TENM1: variants seen among roughly 807,000 people sequenced by gnomAD.
The protein encoded by TENM1 is teneurin transmembrane protein 1, also known as teneurin-1.
Under a neutral mutation model 174.8 loss-of-function variants are expected in TENM1, and 35 were observed. The observed-to-expected ratio is 0.20, with a 90% CI of 0.15 to 0.27. The LOEUF (loss-of-function observed/expected upper bound fraction) is 0.27. TENM1 is among the 10% of genes least tolerant of loss of function. TENM1 has a pLI of 1.00. For synonymous variants in TENM1, 781 were observed against 798.7 expected, an observed-to-expected ratio of 0.98 and a Z score of 0.37; for missense variants, 1,633 against 2,130.1, an observed-to-expected ratio of 0.77 and a Z score of 4.59.
chrX:124,395,541 T>C (rs769218452), intron 27 of TENM1, among the ~76,000 whole-genome samples: 4 of 111,934 alleles, frequency 3.6e-5, no homozygotes, highest in African/African-American at 9.8e-5. Context: ...GTAGGTTTAA[T>C]TCAGGGAGTA....
intron 6 of TENM1, among the ~76,000 whole-genome samples, chrX:124,671,316 C>G (rs755760081): frequency 2.7e-5 from 3 of 111,056 alleles, no homozygotes; most frequent in East Asian, 5.7e-4. Flanking sequence ...TTCCATATAC[C>G]CTTTGTAAAA....
chrX:124,949,126 T>C (rs1194265821), intron 1 of TENM1, among the ~76,000 whole-genome samples: 1 of 111,210 alleles, frequency 9.0e-6, no homozygotes, highest in Non-Finnish European at 1.9e-5. Context: ...CACAACTTAC[T>C]AGATCCTAAG....
chrX:124,830,393 C>G (rs916619637), intron 3 of TENM1, among the ~76,000 whole-genome samples: 2 of 111,781 alleles, frequency 1.8e-5, no homozygotes, highest in Non-Finnish European at 3.8e-5. Context: ...TCTGGCAACA[C>G]AGTGAGAACT....
At chrX:125,046,552 G>A in the TENM1 span, among the ~76,000 whole-genome samples, 1 of 112,214 alleles carries the variant, frequency 8.9e-6, no homozygotes, top group Non-Finnish European at 1.9e-5. Flanking sequence ...ATGGGCCAAT[G>A]ATGTTTTCTC....
intron 3 of TENM1, among the ~76,000 whole-genome samples, chrX:124,757,869 C>G (rs936554136): frequency 8.9e-6 from 1 of 112,187 alleles, no homozygotes; most frequent in African/African-American, 3.2e-5. Flanking sequence ...TGTATAACAT[C>G]TCCATTTGAA....
chrX:124,583,746 G>A (rs1298872828), intron 11 of TENM1, among the ~76,000 whole-genome samples: 1 of 111,496 alleles, frequency 9.0e-6, no homozygotes, highest in African/African-American at 3.3e-5. Flanking sequence ...CCGAGCTACA[G>A]GAGGAAATTA....
At chrX:124,523,478 C>T (rs777186587) in exon 17 of TENM1, 8 of 1,211,114 alleles carry the variant, frequency 6.6e-6, no homozygotes, top group Non-Finnish European at 6.7e-6. Flanking sequence ...CGCAGGATGG[C>T]GGGTCTGATA....
intron 29 of TENM1, 79 bp downstream of exon 32, chrX:124,385,598 A>G (rs1302151717): frequency 2.1e-6 from 2 of 969,046 alleles, no homozygotes; most frequent in East Asian, 6.2e-5. Flanking sequence ...TAATGCTTCT[A>G]TCTCACACTG....
chrX:125,155,028 G>T, the TENM1 span, among the ~76,000 whole-genome samples: 3 of 111,656 alleles, frequency 2.7e-5, no homozygotes, highest in African/African-American at 9.8e-5. Flanking sequence ...CTGCTGGCTC[G>T]GGCAGCCTGC....
chrX:124,533,313 C>T (rs891367568), intron 15 of TENM1, among the ~76,000 whole-genome samples: 3 of 111,623 alleles, frequency 2.7e-5, no homozygotes, highest in Admixed American at 9.5e-5. Context: ...TAGTTCCTTC[C>T]CTCCCATTTA....
the TENM1 span, among the ~76,000 whole-genome samples, chrX:125,107,782 G>T: frequency 8.9e-6 from 1 of 111,851 alleles, no homozygotes. Flanking sequence ...ACACTAGGAA[G>T]CTTATGCTAT....
chrX:124,744,568 A>T (rs887933139), intron 3 of TENM1, among the ~76,000 whole-genome samples: 1 of 112,127 alleles, frequency 8.9e-6, no homozygotes, highest in Non-Finnish European at 1.9e-5. Context: ...TGACAATGAT[A>T]TTGTGGCTTC....
the TENM1 span, among the ~76,000 whole-genome samples, chrX:125,088,801 G>A: frequency 1.8e-5 from 2 of 110,541 alleles, no homozygotes; most frequent in East Asian, 2.9e-4. Context: ...ACTACTATGC[G>A]ATATATCCAT....
At chrX:124,389,625 CCCTT>C (rs1225580170) in intron 28 of TENM1, among the ~76,000 whole-genome samples, 1 of 110,619 alleles carries the variant, frequency 9.0e-6, no homozygotes, top group East Asian at 2.8e-4. Flanking sequence ...CTGCCTCCCT[CCCTT>C]CCTTCCTTCT....
At chrX:124,753,829 G>C (rs906797852) in intron 3 of TENM1, among the ~76,000 whole-genome samples, 6 of 111,690 alleles carry the variant, frequency 5.4e-5, no homozygotes, top group Non-Finnish European at 1.1e-4. Context: ...TTGCATCCCA[G>C]GGATGAAGCC....
At chrX:124,924,538 G>C (rs2058065931) in intron 1 of TENM1, among the ~76,000 whole-genome samples, 1 of 111,409 alleles carries the variant, frequency 9.0e-6, no homozygotes, top group Non-Finnish European at 1.9e-5. Context: ...CTTATATTTA[G>C]ACCAAACTTT....
At chrX:124,565,663 AT>A in intron 11 of TENM1, 103 bp from the exon 15 acceptor site, 1 of 506,809 alleles carries the variant, frequency 2.0e-6, no homozygotes, top group Admixed American at 6.0e-5. Flanking sequence ...CTATATTTAT[AT>A]TTTATTTATT....
chrX:124,409,763 T>A (rs1369719477), intron 25 of TENM1, among the ~76,000 whole-genome samples: 4 of 106,372 alleles, frequency 3.8e-5, no homozygotes, highest in African/African-American at 3.4e-5. Flanking sequence ...TGAACTCCCA[T>A]TCACAATTGC....
At chrX:124,961,076 A>C (rs2058645461) in intron 1 of TENM1, among the ~76,000 whole-genome samples, 1 of 112,050 alleles carries the variant, frequency 8.9e-6, no homozygotes, top group Admixed American at 9.5e-5. Flanking sequence ...ATTTTGGCTC[A>C]ATTTAAGGTT....
Sources: gnomAD v4.1 joint callset for allele counts (sites outside exome capture counted in the v4.1 genomes callset) on GRCh38, gnomAD v4.1.1 for gene constraint, MANE v1.5 for transcripts, NCBI Gene and HGNC (gene_info 2026-07-23, HGNC 2026-07-21) for gene names.